Variants in PPP1R12A observed in about 807,000 individuals in gnomAD.
PPP1R12A encodes the protein protein phosphatase 1 regulatory subunit 12A.
In PPP1R12A, 19 loss-of-function variants were observed where a neutral mutation model predicts 139.6. That is an observed-to-expected ratio of 0.14 (90% CI 0.09 to 0.20). The LOEUF is 0.20. Ranked by LOEUF, PPP1R12A falls within the 10% of genes least tolerant of loss-of-function variation. The pLI, the probability that PPP1R12A is intolerant of heterozygous loss-of-function variation, is 1.00. For missense variants in PPP1R12A, 925 were observed against 1,211.5 expected (o/e 0.76, Z 3.51); for synonymous variants, 427 against 420.6 (o/e 1.02, Z -0.19).
chr12:79,889,881 C>T (rs1479766449), intron 1 of PPP1R12A, among the ~76,000 whole-genome samples: 3 of 152,140 alleles, frequency 2.0e-5, no homozygotes, highest in Non-Finnish European at 2.9e-5. Context: ...TACGTATCCT[C>T]ATATGGTGGA....
intron 13 of PPP1R12A, 148 bp from the exon 14 acceptor site, chr12:79,805,916 G>GTT (rs1873771117): frequency 1.2e-5 from 12 of 986,510 alleles, no homozygotes; most frequent in Admixed American, 2.9e-5. Flanking sequence ...GAACCAAAAA[G>GTT]CTCACCCAGA....
chr12:79,778,909 T>C, intron 23 of PPP1R12A: 1 of 243,506 alleles, frequency 4.1e-6, no homozygotes. Flanking sequence ...GACTGAAGAC[T>C]GTACAGAGAA....
At chr12:79,854,516 A>G (rs1463485517) in intron 2 of PPP1R12A, among the ~76,000 whole-genome samples, 1 of 152,174 alleles carries the variant, frequency 6.6e-6, no homozygotes, top group Non-Finnish European at 1.5e-5. Context: ...CATTTTCCCA[A>G]TGACAAAGGC....
At chr12:79,852,013 T>C (rs1880099402) in intron 2 of PPP1R12A, among the ~76,000 whole-genome samples, 1 of 152,182 alleles carries the variant, frequency 6.6e-6, no homozygotes, top group South Asian at 2.1e-4. Context: ...TATTTTTTCA[T>C]TTGTTTCAGG....
chr12:79,803,617 A>T (rs1873458279), intron 14 of PPP1R12A, among the ~76,000 whole-genome samples: 1 of 152,204 alleles, frequency 6.6e-6, no homozygotes, highest in Non-Finnish European at 1.5e-5. Flanking sequence ...TTTAAATAAA[A>T]GACAAAGAGA....
In PPP1R12A at chr12:79,856,405, C is replaced by A. The variant is rs10459166; in HGVS notation, c.369-10985G>T. ...AAATAGGTAATCATAAAATATAACA[C>A]ATATGCATAAATAATGCATTTATTT... On this transcript the variant is annotated intron_variant, in intron 2 of 24. Transcript: ENST00000450142. 7.1e-4 allele frequency among the ~76,000 whole-genome samples: 108 copies of A among 152,326 alleles called. No individual in the cohort carries two copies. The East Asian group carries it at 0.015, about 21-fold the overall frequency.
chr12:79,813,732 T>C (rs10161115), intron 9 of PPP1R12A, among the ~76,000 whole-genome samples: 18 of 152,236 alleles, frequency 1.2e-4, no homozygotes, highest in African/African-American at 4.3e-4. Flanking sequence ...CAGCTTGATA[T>C]TGCTACAGAA....
chr12:79,918,170 AAC>A lies in PPP1R12A; in HGVS notation c.237+16523_237+16524del, dbSNP rs1331361989. On this transcript the variant is annotated intron_variant, in intron 1 of 24. Transcript: ENST00000450142. ...TTCACTGAAACCTTAAAAAAAAAAA[AAC>A]ATAATCACGAATCTGTATCCTGCGT... Among the ~76,000 whole-genome samples the A allele has an allele frequency of 1.2e-4, 18 of 152,148 alleles. 1 individual carries two copies. Among genetic ancestry groups the A allele is most frequent in the African/African-American group, 4.1e-4 (17 of 41,410 alleles).
chr12:79,925,713 G>A (rs1318873106), intron 1 of PPP1R12A, among the ~76,000 whole-genome samples: 1 of 152,054 alleles, frequency 6.6e-6, no homozygotes, highest in Non-Finnish European at 1.5e-5. Flanking sequence ...GCACACTTAG[G>A]GCAGTAACAC....
At chr12:79,905,339 G>GCCCCC (rs57598900) in intron 1 of PPP1R12A, among the ~76,000 whole-genome samples, 90 of 106,114 alleles carry the variant, frequency 8.5e-4, no homozygotes, top group Middle Eastern at 4.9e-3. Context: ...TTGTTTTGCC[G>GCCCCC]CCCCCCCCCA....
intron 14 of PPP1R12A, among the ~76,000 whole-genome samples, chr12:79,804,495 T>A (rs1873578334): frequency 6.6e-6 from 1 of 152,088 alleles, no homozygotes; most frequent in Non-Finnish European, 1.5e-5. Flanking sequence ...AACACTAACT[T>A]ATTACTTTTC....
intron 2 of PPP1R12A, chr12:79,848,997 T>TTA (rs1385806012): frequency 1.3e-5 from 2 of 151,820 alleles, no homozygotes; most frequent in South Asian, 2.1e-4. Flanking sequence ...TAGTTATAAG[T>TTA]TATATATATA....
At chr12:79,790,865 C>T (rs1217421519) in intron 19 of PPP1R12A, among the ~76,000 whole-genome samples, 2 of 152,076 alleles carry the variant, frequency 1.3e-5, no homozygotes, top group Non-Finnish European at 2.9e-5. Context: ...CTCACTGATT[C>T]TATAATTTAT....
intron 1 of PPP1R12A, among the ~76,000 whole-genome samples, chr12:79,875,261 T>C (rs1457233395): frequency 6.6e-6 from 1 of 152,172 alleles, no homozygotes; most frequent in Non-Finnish European, 1.5e-5. Flanking sequence ...ATCATCATCA[T>C]ATTGTCCCTC....
intron 1 of PPP1R12A, among the ~76,000 whole-genome samples, chr12:79,919,512 G>A (rs926120553): frequency 2.0e-5 from 3 of 149,516 alleles, no homozygotes; most frequent in Non-Finnish European, 3.0e-5. Flanking sequence ...CTGAAATCAC[G>A]CCACTGCACT....
chr12:79,775,874 T>TG lies in PPP1R12A; in HGVS notation c.*54dup, dbSNP rs2136954346. 1 of 1,256,228 alleles carries TG rather than the reference T, an allele frequency of 8.0e-7. No individual in the cohort carries two copies. The highest frequency in any genetic ancestry group is 2.6e-5 in the East Asian group (1 of 38,692). The allele number at this position is 1,256,228 out of a possible 1,614,324, so 77.8% of individuals were successfully genotyped here. ...CCAGACTTCCAGTGACTGCCAATTA[T>TG]GGTCCACTGGGTTACTAATATGTGC... On this transcript the variant is annotated 3_prime_UTR_variant, in exon 25 of 25. Transcript: ENST00000450142.
intron 19 of PPP1R12A, among the ~76,000 whole-genome samples, chr12:79,791,351 G>A (rs1304218232): frequency 3.3e-5 from 5 of 152,132 alleles, no homozygotes; most frequent in Non-Finnish European, 5.9e-5. Context: ...TTTTTGAGAT[G>A]AGGTGTCGCT....
intron 3 of PPP1R12A, among the ~76,000 whole-genome samples, chr12:79,835,238 A>G (rs1484908362): frequency 6.6e-6 from 1 of 152,106 alleles, no homozygotes; most frequent in East Asian, 1.9e-4. Flanking sequence ...GGGAGCTGTC[A>G]GGCGTGACAG....
At chr12:79,791,300 A>G (rs557070575) in intron 19 of PPP1R12A, among the ~76,000 whole-genome samples, 21 of 152,276 alleles carry the variant, frequency 1.4e-4, no homozygotes, top group African/African-American at 5.1e-4. Flanking sequence ...AAATTCCATT[A>G]TCTTTAAAAA....
Sources: gnomAD v4.1 joint callset for allele counts (sites outside exome capture counted in the v4.1 genomes callset) on GRCh38, gnomAD v4.1.1 for gene constraint, MANE v1.5 for transcripts, NCBI Gene and HGNC (gene_info 2026-07-23, HGNC 2026-07-21) for gene names.